Variants in PTPRG observed in about 807,000 individuals in gnomAD.
PTPRG encodes the protein receptor-type tyrosine-protein phosphatase gamma.
Under a neutral mutation model 165.3 loss-of-function variants are expected in PTPRG, and 102 were observed. The ratio of observed to expected loss-of-function variants is 0.62; its 90% confidence interval spans 0.53 to 0.73. PTPRG has a LOEUF of 0.73. PTPRG is among the 30% of genes least tolerant of loss of function. The probability of loss-of-function intolerance (pLI) is 0.00; values close to 1 mark genes in which losing one functional copy is unlikely to be tolerated. For synonymous variants in PTPRG, 675 were observed against 669.5 expected (o/e 1.01, Z -0.13); for missense variants, 1,866 against 1,861.4 (o/e 1.00, Z -0.05).
At chr3:61,643,617 TA>T (rs1364118624) in intron 1 of PTPRG, among the ~76,000 whole-genome samples, 1 of 152,002 alleles carries the variant, frequency 6.6e-6, no homozygotes, top group Non-Finnish European at 1.5e-5. Flanking sequence ...CCATCTCTAC[TA>T]AAAATACAAA....
At chr3:61,907,667 A>C (rs1037365391) in intron 2 of PTPRG, among the ~76,000 whole-genome samples, 13 of 152,364 alleles carry the variant, frequency 8.5e-5, no homozygotes, top group African/African-American at 2.9e-4. Context: ...TTAAGGGAAC[A>C]CAGATGATAA....
At chr3:61,709,785 T>G (rs1173994291) in intron 1 of PTPRG, among the ~76,000 whole-genome samples, 2 of 152,168 alleles carry the variant, frequency 1.3e-5, no homozygotes, top group African/African-American at 2.4e-5. Context: ...ACTGTGCAAA[T>G]TAACCACTGT....
chr3:61,588,903 G>A (rs1700501729), intron 1 of PTPRG, among the ~76,000 whole-genome samples: 2 of 152,140 alleles, frequency 1.3e-5, no homozygotes, highest in African/African-American at 4.8e-5. Flanking sequence ...AGCAGTTGTA[G>A]TCACCTCTCT....
Position 62,252,415 on chromosome 3 carries a change from A to T in PTPRG, c.2468-2709A>T, listed in dbSNP as rs1452218312. 6.6e-6 allele frequency among the ~76,000 whole-genome samples: 1 copy of T among 152,248 alleles called. No individual in the cohort carries two copies. Among genetic ancestry groups the T allele is most frequent in the Admixed American group, 6.5e-5 (1 of 15,276 alleles). ...TTTTTTCAGCTGCAAGATGCATATG[A>T]AAACAGTATGCATTTCTTGGAGTAC... On this transcript the variant is annotated intron_variant, in intron 15 of 29. Coordinates refer to ENST00000474889, the MANE Select transcript of PTPRG (RefSeq NM_002841.4). The surrounding 1 kb of genome is among the most constrained non-coding windows in gnomAD (Gnocchi z 4.6).
At chr3:62,076,473 T>C (rs1701388925) in intron 4 of PTPRG, among the ~76,000 whole-genome samples, 1 of 152,110 alleles carries the variant, frequency 6.6e-6, no homozygotes, top group South Asian at 2.1e-4. Context: ...GAAGCTGGAA[T>C]AGGAACCCAG....
At chr3:61,827,037 A>G (rs545852224) in intron 2 of PTPRG, among the ~76,000 whole-genome samples, 2 of 152,258 alleles carry the variant, frequency 1.3e-5, no homozygotes, top group Admixed American at 1.3e-4. Flanking sequence ...GAATATCGAT[A>G]TGAATGAGGA....
At chr3:61,870,195 G>A (rs114800436) in intron 2 of PTPRG, among the ~76,000 whole-genome samples, 639 of 152,198 alleles carry the variant, frequency 4.2e-3, no homozygotes, top group African/African-American at 0.015. Context: ...GTACATAGAT[G>A]CTATTGCATA....
chr3:62,142,082 G>A (rs1482615855), intron 6 of PTPRG, among the ~76,000 whole-genome samples: 3 of 149,948 alleles, frequency 2.0e-5, no homozygotes, highest in African/African-American at 4.9e-5. Context: ...GAGTGCATCC[G>A]AGATTGGTAA....
At chr3:62,033,047 G>T (rs1171310978) in intron 4 of PTPRG, among the ~76,000 whole-genome samples, 1 of 152,144 alleles carries the variant, frequency 6.6e-6, no homozygotes, top group East Asian at 1.9e-4. Flanking sequence ...CCTGTGACAT[G>T]CTGGTATAGA....
intron 1 of PTPRG, among the ~76,000 whole-genome samples, chr3:61,699,251 A>G (rs932858528): frequency 2.0e-5 from 3 of 152,106 alleles, no homozygotes; most frequent in African/African-American, 7.2e-5. Flanking sequence ...AAAAAAAATT[A>G]TTTTTCAAAA....
chr3:62,157,466 T>C (rs929927283), intron 7 of PTPRG, among the ~76,000 whole-genome samples: 3 of 152,200 alleles, frequency 2.0e-5, no homozygotes, highest in Non-Finnish European at 4.4e-5. Flanking sequence ...AATCTGAGTA[T>C]TGTTTAAGTA....
chr3:61,624,438 C>T (rs1263412165), intron 1 of PTPRG, among the ~76,000 whole-genome samples: 3 of 152,044 alleles, frequency 2.0e-5, no homozygotes, highest in Non-Finnish European at 4.4e-5. Context: ...GAAGTATGCT[C>T]TTTTTGATTT....
chr3:61,725,845 C>T (rs2106810560), intron 1 of PTPRG, among the ~76,000 whole-genome samples: 1 of 151,854 alleles, frequency 6.6e-6, no homozygotes, highest in African/African-American at 2.4e-5. Context: ...AATGTCTTAT[C>T]ATCTGTTTTA....
At chr3:61,704,485 A>G (rs955326728) in intron 1 of PTPRG, among the ~76,000 whole-genome samples, 3 of 152,126 alleles carry the variant, frequency 2.0e-5, no homozygotes, top group Non-Finnish European at 4.4e-5. Context: ...AATTTGTGTC[A>G]GTTTGGCCTC....
chr3:62,100,706 A>G lies in PTPRG; in HGVS notation c.615+22448A>G, dbSNP rs1702260833. On this transcript the variant is annotated intron_variant, in intron 5 of 29. Coordinates refer to ENST00000474889, the MANE Select transcript of PTPRG (RefSeq NM_002841.4). ...TAGTTGTTTGGCTAAATGCTTGGGC[A>G]TTTTAGCCATGGAATAAATACTAGT... is the stretch of plus-strand genomic sequence containing the variant. Among the ~76,000 whole-genome samples, 7 of 152,358 alleles carry G rather than the reference A, an allele frequency of 4.6e-5. No individual in the cohort carries two copies. In the South Asian group the frequency reaches 1.2e-3, roughly 27 times the overall value.
chr3:61,611,534 A>C (rs1701169337), intron 1 of PTPRG, among the ~76,000 whole-genome samples: 1 of 152,178 alleles, frequency 6.6e-6, no homozygotes, highest in Admixed American at 6.5e-5. Flanking sequence ...TTAGAAGGAA[A>C]AGAGCGATTT....
At chr3:62,053,283 T>TG (rs60245655) in intron 4 of PTPRG, among the ~76,000 whole-genome samples, 1 of 147,486 alleles carries the variant, frequency 6.8e-6, no homozygotes, top group Non-Finnish European at 1.5e-5. Context: ...TTTTTTTTTT[T>TG]GGAGACGGAG....
At chr3:62,059,643 G>C (rs530681236) in intron 4 of PTPRG, among the ~76,000 whole-genome samples, 2 of 152,226 alleles carry the variant, frequency 1.3e-5, no homozygotes, top group South Asian at 4.1e-4. Flanking sequence ...TTCAAGACCG[G>C]CCTGAGAAAC....
At chr3:62,283,823 T>G (rs1559760814) in intron 28 of PTPRG, among the ~76,000 whole-genome samples, 1 of 152,140 alleles carries the variant, frequency 6.6e-6, no homozygotes, top group Non-Finnish European at 1.5e-5. Flanking sequence ...AAGTAATGTG[T>G]ACTAGCTGCT....
Sources: allele counts gnomAD v4.1 joint callset (sites outside exome capture counted in the v4.1 genomes callset), GRCh38; gene constraint gnomAD v4.1.1; non-coding constraint Gnocchi (gnomAD v3.1); transcripts MANE v1.5; gene names NCBI Gene and HGNC (gene_info 2026-07-23, HGNC 2026-07-21).